Variants in FBXO8 observed in about 807,000 individuals in gnomAD.
FBXO8 encodes F-box protein 8.
A neutral mutation model predicts 33.4 loss-of-function variants in FBXO8; 15 were observed. That is an observed-to-expected ratio of 0.45 (90% CI 0.30 to 0.69). FBXO8 has a LOEUF of 0.69. Among genes scored for constraint, FBXO8 ranks in the 30% least tolerant of loss-of-function variants. The probability of loss-of-function intolerance (pLI) is 0.08; values close to 1 mark genes in which losing one functional copy is unlikely to be tolerated. For synonymous variants in FBXO8, 132 were observed against 131.5 expected (o/e 1.00, Z -0.02); for missense variants, 274 against 380.3 (o/e 0.72, Z 2.32).
rs1736146808 is a variant in FBXO8 at position 174,245,859 on chromosome 4, G to GTTAGTTTTCT, written c.457-4642_457-4641insAGAAAACTAA. Among the ~76,000 whole-genome samples the GTTAGTTTTCT allele has an allele frequency of 6.6e-6, 1 of 151,884 alleles. No homozygotes were observed. The highest frequency in any genetic ancestry group is 1.9e-4 in the East Asian group (1 of 5,182). ...AGTGAAAAGTGAAAGACAGCTGATG[G>GTTAGTTTTCT]TTCTGGCTTAGATGAAGAGGGAAAT... is the stretch of plus-strand genomic sequence containing the variant. On this transcript the variant is annotated intron_variant, in intron 3 of 5. Coordinates refer to ENST00000393674, the MANE Select transcript of FBXO8 (RefSeq NM_012180.3). The surrounding 1 kb of genome is among the most constrained non-coding windows in gnomAD (Gnocchi z 4.6).
rs1236544689 is a variant in FBXO8 at position 174,237,446 on chromosome 4, T to C, written c.926A>G (p.Asp309Gly). The C allele has an allele frequency of 6.2e-7, 1 of 1,613,670 alleles. No individual in the cohort carries two copies. Among genetic ancestry groups the C allele is most frequent in the Non-Finnish European group, 8.5e-7 (1 of 1,179,678 alleles). The change falls in exon 6 of 6, where the codon GAC becomes GGC. Residue 309 changes from aspartate to glycine, a missense_variant. By Grantham distance (94) the Asp-to-Gly change is moderately conservative. Coordinates refer to ENST00000393674, the MANE Select transcript of FBXO8 (RefSeq NM_012180.3). The surrounding 1 kb of genome is among the most constrained non-coding windows in gnomAD (Gnocchi z 4.4). ...ISEDFVGHLY[D>G]NIYLIGHVAA ...CACATGGCCAATAAGGTAGATATTG[T>C]CATAAAGATGCCCTACAAAATCTTC...
At chr4:174,238,805 G>C (rs1015208527) in intron 5 of FBXO8, among the ~76,000 whole-genome samples, 189 bp downstream of exon 5, 2 of 148,464 alleles carry the variant, frequency 1.3e-5, no homozygotes, top group African/African-American at 4.9e-5. Context: ...GCACACCATA[G>C]CTATGACAAA....
intron 1 of FBXO8, among the ~76,000 whole-genome samples, chr4:174,280,667 G>A (rs999339143): frequency 6.6e-6 from 1 of 152,122 alleles, no homozygotes; most frequent in South Asian, 2.1e-4. Context: ...AAAAAGAAGA[G>A]AAATTCTGGC....
chr4:174,239,213 A>G, intron 4 of FBXO8, 23 bp from the exon 5 acceptor site: 1 of 1,458,400 alleles, frequency 6.9e-7, no homozygotes, highest in Non-Finnish European at 9.1e-7. Flanking sequence ...AAAAAGGCAC[A>G]GCTTTGGTTA....
Position 174,277,109 on chromosome 4 carries a change from C to G in FBXO8, c.-9+6301G>C, listed in dbSNP as rs996495836. Among the ~76,000 whole-genome samples the G allele has an allele frequency of 2.6e-5, 4 of 152,068 alleles. No individual in the cohort carries two copies. The highest frequency in any genetic ancestry group is 5.9e-5 in the Non-Finnish European group (4 of 67,974). The stretch of plus-strand genomic sequence containing the variant: ...AAAGCGCTTCCACTTAAAAGCAGTA[C>G]AAACTATGGATTAACTACAAATAAT... On this transcript the variant is annotated intron_variant, in intron 1 of 5. Coordinates refer to ENST00000393674, the MANE Select transcript of FBXO8 (RefSeq NM_012180.3). This position sits in a 1 kb window ranked among gnomAD's most constrained non-coding sequence, Gnocchi z 4.9.
Position 174,272,712 on chromosome 4 carries a change from A to C in FBXO8, c.-8-9612T>G, listed in dbSNP as rs909788500. Among the ~76,000 whole-genome samples the C allele has an allele frequency of 6.6e-6, 1 of 152,236 alleles. No homozygotes were observed. Among genetic ancestry groups the C allele is most frequent in the Non-Finnish European group, 1.5e-5 (1 of 68,028 alleles). On this transcript the variant is annotated intron_variant, in intron 1 of 5. Transcript: ENST00000393674. This position sits in a 1 kb window ranked among gnomAD's most constrained non-coding sequence, Gnocchi z 4.7. Reference sequence around the variant, plus strand: ...AAGAATTATCAATGGATGTTGTTGAATCTGGAGTTTGACAAAGAATGGAAT... The same window carrying C: ...AAGAATTATCAATGGATGTTGTTGACTCTGGAGTTTGACAAAGAATGGAAT...
rs956818457 is a variant in FBXO8, at chr4:174,257,311, C to T, written c.456+2388G>A. Reference sequence around the variant, plus strand: ...GCTTTATAATTTGTTTAAAAATTGGCATTCCTTTAGCAAGGAAAGACTACT... The same window carrying T: ...GCTTTATAATTTGTTTAAAAATTGGTATTCCTTTAGCAAGGAAAGACTACT... On this transcript the variant is annotated intron_variant, in intron 3 of 5. Transcript: ENST00000393674. The surrounding 1 kb of genome is among the most constrained non-coding windows in gnomAD (Gnocchi z 4.3). Among the ~76,000 whole-genome samples the T allele has an allele frequency of 3.3e-5, 5 of 152,122 alleles. No individual in the cohort carries two copies. The highest frequency in any genetic ancestry group is 1.2e-4 in the African/African-American group (5 of 41,444).
At chr4:174,268,470 T>C (rs1736747199) in intron 1 of FBXO8, among the ~76,000 whole-genome samples, 1 of 152,198 alleles carries the variant, frequency 6.6e-6, no homozygotes, top group African/African-American at 2.4e-5. Context: ...TCTCGCTGTG[T>C]CGCCCAAGCT....
At position 174,278,343 on chromosome 4, in the gene FBXO8, A is replaced by G. The variant is rs897717046; in HGVS notation, c.-9+5067T>C. On this transcript the variant is annotated intron_variant, in intron 1 of 5. Transcript: ENST00000393674. This position sits in a 1 kb window ranked among gnomAD's most constrained non-coding sequence, Gnocchi z 4.1. ...GCAGGTTTTGGTTTTTTTTAATTCA[A>G]AAAGATTTACAATATTACTTTGTTC... 1.3e-5 allele frequency among the ~76,000 whole-genome samples: 2 copies of G among 152,084 alleles called. No individual in the cohort carries two copies. The highest frequency in any genetic ancestry group is 4.8e-5 in the African/African-American group (2 of 41,438).
In FBXO8 at chr4:174,251,651, AAG is replaced by A. The variant is rs1209415467; in HGVS notation, c.456+8046_456+8047del. On this transcript the variant is annotated intron_variant, in intron 3 of 5. Coordinates refer to ENST00000393674, the MANE Select transcript of FBXO8 (RefSeq NM_012180.3). This position sits in a 1 kb window ranked among gnomAD's most constrained non-coding sequence, Gnocchi z 4.2. ...CACATACCATATTACTCTCAAAAAAAAGAAAATCACCTCCAGTTTAGCACCAT... is the reference window on the plus strand; with the variant it reads ...CACATACCATATTACTCTCAAAAAAAAAAATCACCTCCAGTTTAGCACCAT... Among the ~76,000 whole-genome samples the A allele has an allele frequency of 6.6e-6, 1 of 152,126 alleles. No homozygotes were observed. Among genetic ancestry groups the A allele is most frequent in the Non-Finnish European group, 1.5e-5 (1 of 68,008 alleles).
Position 174,237,226 on chromosome 4 carries a change from C to T in FBXO8, c.*186G>A, listed in dbSNP as rs1282367395. On this transcript the variant is annotated 3_prime_UTR_variant, in exon 6 of 6. Transcript: ENST00000393674. The surrounding 1 kb of genome is among the most constrained non-coding windows in gnomAD (Gnocchi z 4.4). ...ATAAACAAAATTAGGAAAAATTCTG[C>T]AAAATTATTTAGTTCCCCAAGGAAA... 3 of 505,658 alleles carry T rather than the reference C, an allele frequency of 5.9e-6. No homozygotes were observed. The highest frequency in any genetic ancestry group is 1.0e-5 in the Non-Finnish European group (3 of 292,498). 31.3% of individuals were successfully genotyped at this position (505,658 alleles called of 1,614,324 possible).
intron 1 of FBXO8, among the ~76,000 whole-genome samples, chr4:174,280,545 TAGC>T (rs1245436905): frequency 2.6e-5 from 4 of 152,166 alleles, no homozygotes; most frequent in African/African-American, 7.2e-5. Flanking sequence ...CCCATGTTCA[TAGC>T]AGCATTATTC....
At chr4:174,244,904 T>C (rs558048131) in intron 3 of FBXO8, among the ~76,000 whole-genome samples, 2 of 151,904 alleles carry the variant, frequency 1.3e-5, no homozygotes, top group Non-Finnish European at 3.0e-5. Context: ...TTTAAAAAAG[T>C]ATCCAATTCA....
chr4:174,269,678 CA>C lies in FBXO8; in HGVS notation c.-8-6579del, dbSNP rs34352151. ...CTGGGCAACAGAGTGAGACTCGTCT[CA>C]AAAAAAAAAAAAAAGAATGGTAATA... On this transcript the variant is annotated intron_variant, in intron 1 of 5. Coordinates refer to ENST00000393674, the MANE Select transcript of FBXO8 (RefSeq NM_012180.3). Among the ~76,000 whole-genome samples, 751 of 117,054 alleles carry C rather than the reference CA, an allele frequency of 6.4e-3. 4 individuals are homozygous for C. The highest frequency in any genetic ancestry group is 0.021 in the African/African-American group (618 of 29,672). 76.8% of individuals were successfully genotyped at this position (117,054 alleles called of 152,430 possible).
intron 3 of FBXO8, among the ~76,000 whole-genome samples, chr4:174,242,114 T>C (rs1736053803): frequency 6.6e-6 from 1 of 151,626 alleles, no homozygotes; most frequent in Non-Finnish European, 1.5e-5. Context: ...TCCAGATACA[T>C]GCATTCCCAT....
At chr4:174,279,359 G>A (rs965807325) in intron 1 of FBXO8, among the ~76,000 whole-genome samples, 3 of 152,098 alleles carry the variant, frequency 2.0e-5, no homozygotes, top group African/African-American at 7.2e-5. Context: ...ACTGAAAGAA[G>A]TGAAAGACAA....
In FBXO8 at chr4:174,252,854, C is replaced by T. The variant is rs1199339000; in HGVS notation, c.456+6845G>A. ...GGTGTGGTGGCATGCACCTGTAATCCCAGCTACTCCAGAGGCTGAGGCACA... is the reference window on the plus strand; with the variant it reads ...GGTGTGGTGGCATGCACCTGTAATCTCAGCTACTCCAGAGGCTGAGGCACA... On this transcript the variant is annotated intron_variant, in intron 3 of 5. Transcript: ENST00000393674. This position sits in a 1 kb window ranked among gnomAD's most constrained non-coding sequence, Gnocchi z 5.1. Among the ~76,000 whole-genome samples the T allele has an allele frequency of 6.6e-6, 1 of 151,976 alleles. No individual in the cohort carries two copies. The highest frequency in any genetic ancestry group is 2.4e-5 in the African/African-American group (1 of 41,366).
chr4:174,256,153 T>G lies in FBXO8; in HGVS notation c.456+3546A>C, dbSNP rs561505691. 2.2e-6 allele frequency: 1 copy of G among 455,236 alleles called. No homozygotes were observed. The highest frequency in any genetic ancestry group is 2.0e-5 in the African/African-American group (1 of 50,158). The allele number at this position is 455,236 out of a possible 1,614,324, so 28.2% of individuals were successfully genotyped here. Reference sequence around the variant, plus strand: ...GAATCTTGTTCCCTGTGGCTGTAAGTATTCTTATTTTTATAATATTTTAAT... The same window carrying G: ...GAATCTTGTTCCCTGTGGCTGTAAGGATTCTTATTTTTATAATATTTTAAT... On this transcript the variant is annotated intron_variant, in intron 3 of 5. Transcript: ENST00000393674. This position sits in a 1 kb window ranked among gnomAD's most constrained non-coding sequence, Gnocchi z 4.6.
chr4:174,269,338 GA>G lies in FBXO8; in HGVS notation c.-8-6239del, dbSNP rs557610221. 3.0e-4 allele frequency among the ~76,000 whole-genome samples: 45 copies of G among 151,902 alleles called. 1 individual carries two copies. The highest frequency in any genetic ancestry group is 1.0e-3 in the African/African-American group (43 of 41,428). ...AATAAAAACAAAAAAAAAAATGGGG[GA>G]AAAAACCCCAAAGCAATCGCAACTG... On this transcript the variant is annotated intron_variant, in intron 1 of 5. Coordinates refer to ENST00000393674, the MANE Select transcript of FBXO8 (RefSeq NM_012180.3).
Sources: gnomAD v4.1 joint callset for allele counts (sites outside exome capture counted in the v4.1 genomes callset) on GRCh38, gnomAD v4.1.1 for gene constraint, Gnocchi (gnomAD v3.1) non-coding constraint, MANE v1.5 for transcripts, NCBI Gene and HGNC (gene_info 2026-07-23, HGNC 2026-07-21) for gene names.